Variants in TNS1 observed in about 807,000 individuals in gnomAD.
The protein encoded by TNS1 is tensin-1.
In TNS1, 62 loss-of-function variants were observed where a neutral mutation model predicts 168.6. The ratio of observed to expected loss-of-function variants is 0.37; its 90% CI spans 0.30 to 0.45. TNS1 has a LOEUF of 0.45. Among genes scored for constraint, TNS1 ranks in the 20% least tolerant of loss-of-function variants. The probability of loss-of-function intolerance (pLI) is 1.00; values close to 1 mark genes in which losing one functional copy is unlikely to be tolerated. For synonymous variants in TNS1, 934 were observed against 933.2 expected, an observed-to-expected ratio of 1.00 and a Z score of -0.02; for missense variants, 2,240 against 2,339.4, an observed-to-expected ratio of 0.96 and a Z score of 0.88.
chr2:218,005,341 C>A (rs961210749), upstream of TNS1, among the ~76,000 whole-genome samples: 6 of 152,346 alleles, frequency 3.9e-5, no homozygotes, highest in Admixed American at 3.3e-4. Context: ...TCCCCAGACT[C>A]CTCAGCTAGG....
chr2:218,015,747 G>C (rs1374400849), intron 1 of TNS1, among the ~76,000 whole-genome samples: 1 of 152,148 alleles, frequency 6.6e-6, no homozygotes, highest in Admixed American at 6.5e-5. Flanking sequence ...TAAACGGGGG[G>C]TGGGGGCAGG....
chr2:217,937,513 C>T (rs1366647784), intron 3 of TNS1, among the ~76,000 whole-genome samples: 1 of 152,152 alleles, frequency 6.6e-6, no homozygotes, highest in African/African-American at 2.4e-5. Flanking sequence ...ACTCAACCAG[C>T]TCTGCCATTT....
chr2:217,823,324 T>C (rs930337665), intron 22 of TNS1, among the ~76,000 whole-genome samples: 2 of 152,108 alleles, frequency 1.3e-5, no homozygotes, highest in Non-Finnish European at 2.9e-5. Context: ...CATCAAACTT[T>C]CTTTACCAAA....
intron 30 of TNS1, chr2:217,809,604 G>C (rs13414764): frequency 0.13 from 14,280 of 110,246 alleles, 4,057 homozygotes; most frequent in African/African-American, 0.43. Flanking sequence ...TGGATGGATG[G>C]ATGGATGGGT....
At chr2:217,945,588 C>T (rs1957084076) in intron 3 of TNS1, among the ~76,000 whole-genome samples, 1 of 152,186 alleles carries the variant, frequency 6.6e-6, no homozygotes, top group Admixed American at 6.5e-5. Flanking sequence ...TCCCAAATTC[C>T]AGCATCCAGA....
In TNS1 at chr2:217,986,952, G is replaced by C. The variant is rs1958210123; in HGVS notation, c.148+3990C>G. 1 of 152,226 alleles carries C rather than the reference G, an allele frequency of 6.6e-6. No individual in the cohort carries two copies. Among genetic ancestry groups the C allele is most frequent in the African/African-American group, 2.4e-5 (1 of 41,444 alleles). 9.4% of individuals were successfully genotyped at this position (152,226 alleles called of 1,614,324 possible). ...GGAGGAGGTGAGCAGCAGCCTGCGT[G>C]GGGGAAGCTATCCTACCTCTGCAGA... On this transcript the variant is annotated intron_variant, in intron 2 of 32. Transcript: ENST00000682258. The surrounding 1 kb of genome is among the most constrained non-coding windows in gnomAD (Gnocchi z 4.7).
chr2:217,845,261 T>C (rs1166983311), intron 19 of TNS1, among the ~76,000 whole-genome samples: 4 of 152,194 alleles, frequency 2.6e-5, no homozygotes, highest in African/African-American at 9.7e-5. Context: ...CCCACAGATC[T>C]GAGCTTCCTA....
Position 217,817,761 on chromosome 2 carries a change from G to C in TNS1, c.4571C>G (p.Ser1524Cys). The C allele has an allele frequency of 6.2e-7, 1 of 1,613,922 alleles. No homozygotes were observed. The highest frequency in any genetic ancestry group is 1.1e-5 in the South Asian group (1 of 91,078). Residue 1524 changes from serine to cysteine, a missense_variant, in exon 24 of 33, where the codon TCC becomes TGC. By Grantham distance (112) the Ser-to-Cys change is moderately radical. Around this residue, in one of 2 missense-constraint regions of TNS1, gnomAD observed 2,131 missense variants for 2,171.2 expected, o/e 0.98. Coordinates refer to ENST00000682258, the MANE Select transcript of TNS1 (RefSeq NM_001387777.1). ...GACGGTGCTGCCCCCACTGGGACTGGACATGCCGCTGGCGACAGGCGAAGA... is the reference window on the plus strand; with the variant it reads ...GACGGTGCTGCCCCCACTGGGACTGCACATGCCGCTGGCGACAGGCGAAGA... The part of the protein sequence containing the change: ...KVSSPVASGM[S>C]SPSGGSTVSF...
intron 18 of TNS1, among the ~76,000 whole-genome samples, chr2:217,873,488 C>T (rs190277229): frequency 1.3e-5 from 2 of 152,254 alleles, no homozygotes; most frequent in East Asian, 3.9e-4. Context: ...GGGGTGGGGG[C>T]GCACTGGCCA....
In TNS1 at chr2:217,974,367, G is replaced by T. The variant is rs186531852; in HGVS notation, c.186+4398C>A. On this transcript the variant is annotated intron_variant, in intron 3 of 32. Transcript: ENST00000682258. ...GAGGGGTATTTAAAGTGATTTTGCT[G>T]CTACTTCTTTCCTGCTTTCCTCCAT... 1.3e-5 allele frequency among the ~76,000 whole-genome samples: 2 copies of T among 152,326 alleles called. 1 individual carries two copies. The highest frequency in any genetic ancestry group is 1.3e-4 in the Admixed American group (2 of 15,306).
chr2:217,931,943 T>C (rs114000833), intron 3 of TNS1, among the ~76,000 whole-genome samples: 163 of 152,338 alleles, frequency 1.1e-3, no homozygotes, highest in Non-Finnish European at 1.6e-3. Context: ...TGTTTACCTA[T>C]GTCTCCTTTC....
chr2:217,869,778 G>A (rs1949615660), intron 18 of TNS1, among the ~76,000 whole-genome samples: 2 of 152,222 alleles, frequency 1.3e-5, no homozygotes, highest in Non-Finnish European at 2.9e-5. Flanking sequence ...ATAGCAGACG[G>A]GGGAATGGAG....
chr2:217,966,745 A>T (rs1054844494), intron 3 of TNS1, among the ~76,000 whole-genome samples: 7 of 152,210 alleles, frequency 4.6e-5, no homozygotes, highest in Non-Finnish European at 1.0e-4. Flanking sequence ...AAGCAATGAT[A>T]AAGTCAGAAA....
At chr2:217,930,896 G>A (rs566259530) in intron 3 of TNS1, among the ~76,000 whole-genome samples, 10 of 152,222 alleles carry the variant, frequency 6.6e-5, no homozygotes, top group South Asian at 6.2e-4. Flanking sequence ...GGACAGGGCC[G>A]GCAGCACAGA....
chr2:217,992,118 A>G (rs772470409), intron 1 of TNS1, among the ~76,000 whole-genome samples: 1 of 151,690 alleles, frequency 6.6e-6, no homozygotes, highest in Non-Finnish European at 1.5e-5. Context: ...TTTGGGCCCC[A>G]CTGCGGGGCA....
intron 3 of TNS1, among the ~76,000 whole-genome samples, chr2:217,956,425 AG>A (rs909921588): frequency 4.0e-5 from 4 of 99,742 alleles, no homozygotes; most frequent in African/African-American, 1.7e-4. Flanking sequence ...GGGAGTAACA[AG>A]GACGCAGAAA....
intron 19 of TNS1, among the ~76,000 whole-genome samples, chr2:217,841,558 C>T (rs1455769532): frequency 6.6e-6 from 1 of 152,142 alleles, no homozygotes; most frequent in Admixed American, 6.5e-5. Flanking sequence ...ATCCAAGGTC[C>T]TGCTTCTCCA....
rs137929874 is a variant in TNS1, at chr2:217,910,685, G to A, written c.229-3434C>T. 3.8e-3 allele frequency among the ~76,000 whole-genome samples: 564 copies of A among 148,976 alleles called. 7 individuals are homozygous for A. Among genetic ancestry groups the A allele is most frequent in the African/African-American group, 0.013 (539 of 40,250 alleles). ...TTCATCTTCACTCCATTCCTGGCCA[G>A]GATGTTTCTACAGCTACCACATACA... On this transcript the variant is annotated intron_variant, in intron 4 of 32. Transcript: ENST00000682258.
chr2:217,909,097 C>T (rs1376891262), intron 4 of TNS1, among the ~76,000 whole-genome samples: 2 of 149,474 alleles, frequency 1.3e-5, no homozygotes, highest in Non-Finnish European at 3.0e-5. Flanking sequence ...CCACCCCCCA[C>T]ACCCCCTCCC....
Sources: gnomAD v4.1 joint callset for allele counts (sites outside exome capture counted in the v4.1 genomes callset) on GRCh38, gnomAD v4.1.1 for gene constraint, gnomAD v4.1.1 regional missense constraint, Gnocchi (gnomAD v3.1) non-coding constraint, MANE v1.5 for transcripts, NCBI Gene and HGNC (gene_info 2026-07-23, HGNC 2026-07-21) for gene names.